The following BTF3L4 variants were observed in gnomAD, a reference collection of about 807,000 sequenced individuals.
The protein encoded by BTF3L4 is transcription factor BTF3 homolog 4.
In BTF3L4, 6 loss-of-function variants were observed where a neutral mutation model predicts 16.8. The ratio of observed to expected loss-of-function variants is 0.36; its 90% CI spans 0.20 to 0.71. BTF3L4 has a LOEUF of 0.71. Ranked by LOEUF, BTF3L4 falls within the 30% of genes least tolerant of loss-of-function variation. The pLI, the probability that BTF3L4 is intolerant of heterozygous loss-of-function variation, is 0.58. For synonymous variants in BTF3L4, 39 were observed against 59.8 expected, an observed-to-expected ratio of 0.65 and a Z score of 1.60; for missense variants, 92 against 186.9, an observed-to-expected ratio of 0.49 and a Z score of 2.96.
rs190761468 is a variant in BTF3L4 at position 52,087,178 on chromosome 1, C to T, written c.*420C>T. The T allele has an allele frequency of 6.5e-5, 10 of 154,434 alleles. No individual in the cohort carries two copies. Among genetic ancestry groups the T allele is most frequent in the African/African-American group, 2.2e-4 (9 of 41,648 alleles). The allele number at this position is 154,434 out of a possible 1,614,324, so 9.6% of individuals were successfully genotyped here. ...ACATTTGTTACTTTTCTTTTCCCCC[C>T]GTAAGACACAGAATTAATGGAAAGT... On this transcript the variant is annotated 3_prime_UTR_variant, in exon 6 of 6. Coordinates refer to ENST00000313334, the MANE Select transcript of BTF3L4 (RefSeq NM_152265.5).
intron 3 of BTF3L4, among the ~76,000 whole-genome samples, chr1:52,078,715 C>T (rs1219049930): frequency 6.6e-6 from 1 of 152,266 alleles, no homozygotes; most frequent in Admixed American, 6.5e-5. Context: ...ACAAAGTTTA[C>T]TGCTAACTAC....
At chr1:52,080,400 G>T (rs548981180) in intron 3 of BTF3L4, among the ~76,000 whole-genome samples, 52 of 149,606 alleles carry the variant, frequency 3.5e-4, no homozygotes, top group African/African-American at 1.1e-3. Context: ...TGAATTTTTT[G>T]AACAATATTG....
At chr1:52,079,867 CTTTTCTTTTT>C (rs941978808) in intron 3 of BTF3L4, among the ~76,000 whole-genome samples, 1 of 28,124 alleles carries the variant, frequency 3.6e-5, no homozygotes, top group African/African-American at 5.7e-5. Context: ...TTTTTCTTTT[CTTTTCTTTTT>C]TTTTTTTTTT....
chr1:52,070,850 C>T (rs919429464), intron 3 of BTF3L4, among the ~76,000 whole-genome samples: 2 of 151,814 alleles, frequency 1.3e-5, no homozygotes, highest in South Asian at 2.1e-4. Context: ...TGGCCAGGCT[C>T]GTCTCAAACT....
rs993251521 is a variant in BTF3L4 at position 52,070,193 on chromosome 1, G to T, written c.168+5255G>T. The stretch of plus-strand genomic sequence containing the variant: ...AATCGTGCCATTGCACTCTAGCCTG[G>T]GCGACAGAGCAAGACTGTCTAAAAA... On this transcript the variant is annotated intron_variant, in intron 3 of 5. Coordinates refer to ENST00000313334, the MANE Select transcript of BTF3L4 (RefSeq NM_152265.5). Among the ~76,000 whole-genome samples the T allele has an allele frequency of 2.0e-5, 3 of 147,298 alleles. No homozygotes were observed. In the East Asian group the frequency reaches 6.1e-4, roughly 30 times the overall value.
chr1:52,059,334 T>G (rs949752758), intron 1 of BTF3L4, among the ~76,000 whole-genome samples: 1 of 152,230 alleles, frequency 6.6e-6, no homozygotes, highest in Non-Finnish European at 1.5e-5. Context: ...AGCCTTTTGT[T>G]GAATTTCTTC....
At chr1:52,064,620 A>G (rs1686599583) in intron 2 of BTF3L4, among the ~76,000 whole-genome samples, 1 of 152,210 alleles carries the variant, frequency 6.6e-6, no homozygotes, top group Non-Finnish European at 1.5e-5. Context: ...CTGATAAGGA[A>G]AAAAAAGGAA....
chr1:52,080,590 A>G (rs963180550), intron 3 of BTF3L4, among the ~76,000 whole-genome samples: 21 of 114,644 alleles, frequency 1.8e-4, no homozygotes, highest in African/African-American at 6.4e-4. Flanking sequence ...CCAGAGTGCA[A>G]TGGTGCGATT....
chr1:52,083,704 T>C (rs116370652), intron 4 of BTF3L4, among the ~76,000 whole-genome samples, 163 bp downstream of exon 4: 212 of 152,264 alleles, frequency 1.4e-3, no homozygotes, highest in African/African-American at 4.7e-3. Context: ...GTTTAATGAT[T>C]ATGTAGTGTG....
chr1:52,064,993 C>A, intron 3 of BTF3L4, 55 bp downstream of exon 3: 1 of 1,001,510 alleles, frequency 1.0e-6, no homozygotes, highest in South Asian at 1.6e-5. Flanking sequence ...AAATAATTGT[C>A]TGGACCTTTC....
chr1:52,064,585 A>C (rs529145111), intron 2 of BTF3L4, among the ~76,000 whole-genome samples: 2 of 152,358 alleles, frequency 1.3e-5, no homozygotes, highest in South Asian at 4.1e-4. Context: ...TGGATATTAG[A>C]TAAGAATAAT....
chr1:52,085,414 C>T, intron 4 of BTF3L4, among the ~76,000 whole-genome samples: 1 of 150,962 alleles, frequency 6.6e-6, no homozygotes, highest in East Asian at 1.9e-4. Context: ...ACTCTGTCGC[C>T]CAGGATGGAG....
Position 52,080,460 on chromosome 1 carries a change from A to G in BTF3L4, c.169-2880A>G, listed in dbSNP as rs537318656. Reference sequence around the variant, plus strand: ...TGTCTGTAAATAAAAAAAAAGTCTCAGATTCCAATATTTGAGACTCTGCAC... The same window carrying G: ...TGTCTGTAAATAAAAAAAAAGTCTCGGATTCCAATATTTGAGACTCTGCAC... On this transcript the variant is annotated intron_variant, in intron 3 of 5. Transcript: ENST00000313334. Among the ~76,000 whole-genome samples, 826 of 150,302 alleles carry G rather than the reference A, an allele frequency of 5.5e-3. 4 individuals carry two copies. The highest frequency in any genetic ancestry group is 0.021 in the South Asian group (102 of 4,782).
chr1:52,089,602 G>T lies in BTF3L4; in HGVS notation c.*2844G>T, dbSNP rs1319970878. 1 of 152,062 alleles carries T rather than the reference G, an allele frequency of 6.6e-6. No individual in the cohort carries two copies. The highest frequency in any genetic ancestry group is 6.6e-5 in the Admixed American group (1 of 15,256). The allele number at this position is 152,062 out of a possible 1,614,324, so 9.4% of individuals were successfully genotyped here. ...GATAACAATGATAAAAACATTTTGGGGGGGAAATTGACCTTAAAATTTTGG... is the reference window on the plus strand; with the variant it reads ...GATAACAATGATAAAAACATTTTGGTGGGGAAATTGACCTTAAAATTTTGG... On this transcript the variant is annotated 3_prime_UTR_variant, in exon 6 of 6. Coordinates refer to ENST00000313334, the MANE Select transcript of BTF3L4 (RefSeq NM_152265.5).
chr1:52,071,409 C>T (rs1572025649), intron 3 of BTF3L4: 2 of 152,160 alleles, frequency 1.3e-5, no homozygotes, highest in South Asian at 2.1e-4. Context: ...TATCTCATAT[C>T]GTGGTGTATA....
chr1:52,085,001 A>G (rs187425847), intron 4 of BTF3L4, among the ~76,000 whole-genome samples: 1 of 147,342 alleles, frequency 6.8e-6, no homozygotes, highest in African/African-American at 2.5e-5. Flanking sequence ...CACCAAAAGA[A>G]ATGAAAAAAA....
intron 3 of BTF3L4, among the ~76,000 whole-genome samples, chr1:52,078,229 CTTTT>C (rs376320702): frequency 7.6e-6 from 1 of 132,160 alleles, no homozygotes; most frequent in African/African-American, 2.8e-5. Context: ...ATTGCTTTTG[CTTTT>C]TTTTTTTTTT....
intron 1 of BTF3L4, among the ~76,000 whole-genome samples, chr1:52,058,240 C>G (rs1400470487): frequency 6.6e-6 from 1 of 152,164 alleles, no homozygotes; most frequent in African/African-American, 2.4e-5. Flanking sequence ...ACACTTCCTC[C>G]TATAAAAGTG....
At position 52,083,323 on chromosome 1, in the gene BTF3L4, C is replaced by T; in HGVS notation, c.169-17C>T. On this transcript the variant is annotated splice_polypyrimidine_tract_variant and intron_variant, in intron 3 of 5. Transcript: ENST00000313334. The stretch of plus-strand genomic sequence containing the variant: ...TACCTAGCATGTGAAGTACATTTTT[C>T]TTCTGTGATCATACAGGTGAACATG... The T allele has an allele frequency of 6.2e-7, 1 of 1,605,142 alleles. No homozygotes were observed. The highest frequency in any genetic ancestry group is 8.5e-7 in the Non-Finnish European group (1 of 1,172,382).
Sources: gnomAD v4.1 joint callset for allele counts (sites outside exome capture counted in the v4.1 genomes callset) on GRCh38, gnomAD v4.1.1 for gene constraint, MANE v1.5 for transcripts, NCBI Gene and HGNC (gene_info 2026-07-23, HGNC 2026-07-21) for gene names.